The following LDHC variants were observed in gnomAD, a reference collection of about 807,000 sequenced individuals.
The protein encoded by LDHC is lactate dehydrogenase C.
LDHC carries 20 observed loss-of-function variants against 30.2 expected under a neutral mutation model. The observed-to-expected ratio is 0.66, with a 90% CI of 0.47 to 0.96. LDHC has a LOEUF of 0.96. LDHC is among the 40% of genes least tolerant of loss of function. LDHC has a pLI of 0.00. For missense variants in LDHC, 362 were observed against 394.9 expected (o/e 0.92, Z 0.71); for synonymous variants, 139 against 132.7 (o/e 1.05, Z -0.32).
intron 3 of LDHC, among the ~76,000 whole-genome samples, chr11:18,421,163 C>T (rs1016350004): frequency 1.3e-5 from 2 of 152,068 alleles, no homozygotes; most frequent in African/African-American, 4.8e-5. Context: ...AAGTGATTCT[C>T]CTGCCTCAGC....
At chr11:18,450,766 C>G in intron 7 of LDHC, 197 bp from the exon 8 acceptor site, 1 of 460,806 alleles carries the variant, frequency 2.2e-6, no homozygotes, top group Non-Finnish European at 3.8e-6. Context: ...GCATCTTCTT[C>G]ATGTCACTGA....
chr11:18,430,772 A>G (rs1477243734), intron 4 of LDHC, among the ~76,000 whole-genome samples: 1 of 152,214 alleles, frequency 6.6e-6, no homozygotes, highest in Non-Finnish European at 1.5e-5. Flanking sequence ...ATTTGTATGT[A>G]AGTATTTGTG....
chr11:18,414,292 T>C (rs1565045508), intron 2 of LDHC, among the ~76,000 whole-genome samples: 1 of 152,214 alleles, frequency 6.6e-6, no homozygotes, highest in Non-Finnish European at 1.5e-5. Flanking sequence ...ATGGAACAAT[T>C]GGCTAGGTCT....
chr11:18,439,537 T>C (rs939500724), intron 6 of LDHC, among the ~76,000 whole-genome samples: 10 of 117,054 alleles, frequency 8.5e-5, no homozygotes, highest in Non-Finnish European at 1.6e-4. Flanking sequence ...CACTCCAGCC[T>C]GGGCAACAAG....
chr11:18,428,207 T>G (rs1848197939), intron 3 of LDHC, among the ~76,000 whole-genome samples: 1 of 120,334 alleles, frequency 8.3e-6, no homozygotes, highest in South Asian at 2.6e-4. Flanking sequence ...AGTCTCACTC[T>G]GTCACACAGG....
chr11:18,447,246 G>A (rs1450145113), intron 7 of LDHC, among the ~76,000 whole-genome samples: 1 of 150,910 alleles, frequency 6.6e-6, no homozygotes, highest in African/African-American at 2.4e-5. Context: ...CTATTCTCCT[G>A]CCTCAGCCTC....
At chr11:18,420,238 A>G (rs1003908092) in intron 3 of LDHC, among the ~76,000 whole-genome samples, 1 of 152,210 alleles carries the variant, frequency 6.6e-6, no homozygotes, top group Non-Finnish European at 1.5e-5. Context: ...AGGATAGAAT[A>G]ATCACATTTG....
intron 6 of LDHC, among the ~76,000 whole-genome samples, chr11:18,440,550 T>C (rs979979202): frequency 2.0e-5 from 3 of 152,080 alleles, no homozygotes; most frequent in Admixed American, 6.6e-5. Flanking sequence ...TGAGAGAGGA[T>C]AGTAGTAATG....
chr11:18,438,538 G>T lies in LDHC; in HGVS notation c.603G>T (p.Trp201Cys). The T allele has an allele frequency of 6.2e-7, 1 of 1,605,778 alleles. No homozygotes were observed. The highest frequency in any genetic ancestry group is 1.1e-5 in the South Asian group (1 of 90,826). Residue 201 changes from tryptophan (W) to cysteine (C), a missense_variant, in exon 6 of 8, where the codon TGG (tryptophan) becomes TGT (cysteine). Trp to Cys is a radical substitution (Grantham distance 215). Transcript: ENST00000541669. ...GEHGDSSVPL[W>C]SGVNVAGVAL... ...ATCTGTATTTTTTAGTGCCCTTATG[G>T]AGTGGGGTGAATGTTGCTGGTGTTG...
At chr11:18,421,947 A>G (rs1237500477) in intron 3 of LDHC, among the ~76,000 whole-genome samples, 1 of 151,932 alleles carries the variant, frequency 6.6e-6, no homozygotes, top group Admixed American at 6.6e-5. Context: ...AACATGGTGA[A>G]ACCCTGTCTC....
At chr11:18,437,253 A>T (rs1423898729) in intron 5 of LDHC, among the ~76,000 whole-genome samples, 2 of 152,152 alleles carry the variant, frequency 1.3e-5, no homozygotes, top group Non-Finnish European at 2.9e-5. Context: ...TTCTTTGTTT[A>T]TACTGCATTT....
At chr11:18,413,538 C>A (rs1053574624) in intron 2 of LDHC, among the ~76,000 whole-genome samples, 1 of 151,004 alleles carries the variant, frequency 6.6e-6, no homozygotes, top group Admixed American at 6.6e-5. Context: ...TCTCGGCTCC[C>A]GGCAACCTTT....
At chr11:18,444,198 C>T (rs1438050032) in intron 6 of LDHC, among the ~76,000 whole-genome samples, 2 of 152,136 alleles carry the variant, frequency 1.3e-5, no homozygotes, top group Non-Finnish European at 2.9e-5. Context: ...CTTTCTTTTA[C>T]ACCAGCAATT....
At chr11:18,414,010 T>C (rs1222704401) in intron 2 of LDHC, among the ~76,000 whole-genome samples, 1 of 152,212 alleles carries the variant, frequency 6.6e-6, no homozygotes, top group Non-Finnish European at 1.5e-5. Context: ...ATATCTTGGT[T>C]TAGATTTTCT....
intron 7 of LDHC, among the ~76,000 whole-genome samples, chr11:18,448,233 G>C (rs573365631): frequency 6.6e-6 from 1 of 151,908 alleles, no homozygotes; most frequent in Non-Finnish European, 1.5e-5. Flanking sequence ...AGTAATATGG[G>C]AATTTAATAG....
In LDHC at chr11:18,427,212, C is replaced by T. The variant is rs144858694; in HGVS notation, c.245-2525C>T. 9.9e-3 allele frequency among the ~76,000 whole-genome samples: 1,507 copies of T among 151,760 alleles called. 25 individuals carry two copies. Among genetic ancestry groups the T allele is most frequent in the African/African-American group, 0.034 (1,426 of 41,380 alleles). On this transcript the variant is annotated intron_variant, in intron 3 of 7. Coordinates refer to ENST00000541669, the MANE Select transcript of LDHC (RefSeq NM_017448.5). ...CTCTACTAAAAATACAAAAATTAGC[C>T]GGGCATGGTGGTGGGCTCCTGTAAT...
chr11:18,423,416 A>G (rs1449228588), intron 3 of LDHC, among the ~76,000 whole-genome samples: 1 of 152,212 alleles, frequency 6.6e-6, no homozygotes, highest in Non-Finnish European at 1.5e-5. Context: ...AGGAGACAAT[A>G]TAAAAGATTG....
At chr11:18,450,680 T>C in intron 7 of LDHC, 2 of 265,162 alleles carry the variant, frequency 7.5e-6, no homozygotes, top group South Asian at 7.6e-5. Flanking sequence ...CATGGCATCC[T>C]TTCCCGTGGA....
At chr11:18,441,209 A>G (rs1419704989) in intron 6 of LDHC, among the ~76,000 whole-genome samples, 2 of 152,170 alleles carry the variant, frequency 1.3e-5, no homozygotes, top group East Asian at 3.9e-4. Context: ...TGTCCGACTC[A>G]CAGGACATAA....
Sources: gnomAD v4.1 joint callset for allele counts (sites outside exome capture counted in the v4.1 genomes callset) on GRCh38, gnomAD v4.1.1 for gene constraint, MANE v1.5 for transcripts, NCBI Gene and HGNC (gene_info 2026-07-23, HGNC 2026-07-21) for gene names.